The following EYS variants were observed in gnomAD, a reference collection of about 807,000 sequenced individuals.
EYS encodes EGF-like photoreceptor maintenance factor.
Under a neutral mutation model 282.1 loss-of-function variants are expected in EYS, and 250 were observed. The ratio of observed to expected loss-of-function variants is 0.89; its 90% CI spans 0.80 to 0.98. The LOEUF (loss-of-function observed/expected upper bound fraction) is 0.98. EYS is among the 50% of genes least tolerant of loss of function. The probability of loss-of-function intolerance (pLI) is 0.00; values close to 1 mark genes in which losing one functional copy is unlikely to be tolerated. For missense variants in EYS, 4,016 were observed against 3,709.0 expected (o/e 1.08, Z -2.15); for synonymous variants, 1,355 against 1,282.9 (o/e 1.06, Z -1.20).
chr6:64,735,252 T>C (rs564742555), intron 22 of EYS, among the ~76,000 whole-genome samples: 3 of 152,222 alleles, frequency 2.0e-5, no homozygotes, highest in South Asian at 2.1e-4. Context: ...CCTGGCTAGT[T>C]TTTCGTATTT....
At chr6:63,738,680 A>G (rs1271721395) in intron 41 of EYS, among the ~76,000 whole-genome samples, 3 of 151,828 alleles carry the variant, frequency 2.0e-5, no homozygotes, top group Admixed American at 1.3e-4. Flanking sequence ...TGGCACATGT[A>G]TACATATGTA....
chr6:63,770,210 T>C (rs1053127242), intron 40 of EYS, among the ~76,000 whole-genome samples: 6 of 152,246 alleles, frequency 3.9e-5, no homozygotes, highest in African/African-American at 1.4e-4. Flanking sequence ...AATACTATTA[T>C]TAGCTCTCAG....
chr6:64,204,719 C>T (rs1222534339), intron 31 of EYS, among the ~76,000 whole-genome samples: 1 of 152,082 alleles, frequency 6.6e-6, no homozygotes, highest in Non-Finnish European at 1.5e-5. Flanking sequence ...TATGAACAAG[C>T]ACAAGAAAAG....
intron 2 of EYS, among the ~76,000 whole-genome samples, chr6:65,598,922 G>C (rs1282889008): frequency 6.6e-6 from 1 of 152,022 alleles, no homozygotes; most frequent in East Asian, 1.9e-4. Flanking sequence ...CTTAAATTGA[G>C]TGTATTAATA....
chr6:65,219,536 A>G (rs1461087053), intron 12 of EYS, among the ~76,000 whole-genome samples: 4 of 152,088 alleles, frequency 2.6e-5, no homozygotes, highest in East Asian at 1.9e-4. Context: ...GCTTTCAAGT[A>G]TTAAGAAATA....
intron 5 of EYS, among the ~76,000 whole-genome samples, chr6:65,420,248 G>T (rs1267970270): frequency 2.0e-5 from 3 of 151,828 alleles, no homozygotes; most frequent in African/African-American, 7.2e-5. Flanking sequence ...CCTGCACTTG[G>T]TTTTACCAAC....
At chr6:64,609,109 T>C (rs1767026200) in intron 24 of EYS, among the ~76,000 whole-genome samples, 1 of 152,134 alleles carries the variant, frequency 6.6e-6, no homozygotes, top group African/African-American at 2.4e-5. Context: ...CACTCTGTCA[T>C]GGGATGTTGA....
At chr6:63,789,926 G>A (rs150770750) in intron 37 of EYS, among the ~76,000 whole-genome samples, 278 of 152,220 alleles carry the variant, frequency 1.8e-3, no homozygotes, top group African/African-American at 6.2e-3. Flanking sequence ...TATCCTTGGC[G>A]GGATTAAGAA....
At chr6:64,059,030 G>A (rs1771076151) in intron 33 of EYS, among the ~76,000 whole-genome samples, 1 of 152,162 alleles carries the variant, frequency 6.6e-6, no homozygotes, top group Admixed American at 6.5e-5. Flanking sequence ...TTACTGAAGA[G>A]CTAAACATCC....
At chr6:64,681,409 ATAAC>A (rs1364265790) in intron 22 of EYS, among the ~76,000 whole-genome samples, 2 of 152,190 alleles carry the variant, frequency 1.3e-5, no homozygotes, top group Non-Finnish European at 2.9e-5. Flanking sequence ...AACTGAAAGA[ATAAC>A]TAAAAGATGA....
chr6:64,600,655 C>T (rs1205152442), intron 24 of EYS, among the ~76,000 whole-genome samples: 1 of 151,916 alleles, frequency 6.6e-6, no homozygotes, highest in East Asian at 1.9e-4. Flanking sequence ...ATGTCTTTTC[C>T]AGCATACTAC....
intron 28 of EYS, among the ~76,000 whole-genome samples, chr6:64,409,104 T>C (rs1204571898): frequency 6.6e-6 from 1 of 152,174 alleles, no homozygotes; most frequent in Non-Finnish European, 1.5e-5. Context: ...GCTGCATCTA[T>C]GTTACTGAAA....
intron 26 of EYS, among the ~76,000 whole-genome samples, chr6:64,504,870 T>C (rs16895366): frequency 6.6e-6 from 1 of 152,140 alleles, no homozygotes; most frequent in East Asian, 1.9e-4. Flanking sequence ...GTAAAAAACT[T>C]GGGATGCTAA....
chr6:64,967,484 AT>A (rs978305216), intron 14 of EYS, among the ~76,000 whole-genome samples: 2 of 151,892 alleles, frequency 1.3e-5, no homozygotes, highest in Admixed American at 6.6e-5. Context: ...CACCTGGCTA[AT>A]TTTTTTATTT....
chr6:64,580,542 C>G lies in EYS; in HGVS notation c.5644+9681G>C, dbSNP rs549234334. On this transcript the variant is annotated intron_variant, in intron 26 of 42. Transcript: ENST00000503581. ...GACTGAGGAATAGTGAATCATAAAA[C>G]AGGTTAGAAATGAGTGGTAGAGAAT... Among the ~76,000 whole-genome samples the G allele has an allele frequency of 4.6e-5, 7 of 152,160 alleles. No homozygotes were observed. The East Asian group carries it at 1.4e-3, about 29-fold the overall frequency.
intron 5 of EYS, among the ~76,000 whole-genome samples, chr6:65,434,542 G>A (rs1365689276): frequency 6.6e-6 from 1 of 152,014 alleles, no homozygotes; most frequent in Non-Finnish European, 1.5e-5. Flanking sequence ...GGACGGTTTC[G>A]ATCTCCTCAC....
At chr6:65,091,181 C>T (rs1419515613) in intron 12 of EYS, among the ~76,000 whole-genome samples, 2 of 149,590 alleles carry the variant, frequency 1.3e-5, no homozygotes, top group African/African-American at 2.5e-5. Context: ...AGCCTGTAAT[C>T]CTAGCACTTT....
At chr6:64,372,363 G>GC (rs1311264456) in intron 29 of EYS, among the ~76,000 whole-genome samples, 1 of 152,030 alleles carries the variant, frequency 6.6e-6, no homozygotes, top group Non-Finnish European at 1.5e-5. Flanking sequence ...CTGAATATAT[G>GC]CCCCCAATCT....
chr6:63,926,240 A>G (rs577492440), intron 35 of EYS, among the ~76,000 whole-genome samples: 4 of 152,338 alleles, frequency 2.6e-5, no homozygotes, highest in Non-Finnish European at 4.4e-5. Flanking sequence ...TTAACTTTCA[A>G]TCACTCCAGA....
Sources: gnomAD v4.1 joint callset for allele counts (sites outside exome capture counted in the v4.1 genomes callset) on GRCh38, gnomAD v4.1.1 for gene constraint, MANE v1.5 for transcripts, NCBI Gene and HGNC (gene_info 2026-07-23, HGNC 2026-07-21) for gene names.